Variants in EDDM13 observed in about 807,000 individuals in gnomAD.
The protein encoded by EDDM13 is epididymal protein 13.
Under a neutral mutation model 17.8 loss-of-function variants are expected in EDDM13, and 24 were observed. The observed-to-expected ratio is 1.35, with a 90% confidence interval of 0.98 to 1.90. The LOEUF is 1.90. Ranked by LOEUF, EDDM13 falls within the 40% of genes most tolerant of loss-of-function variation. The pLI is 0.00. For missense variants in EDDM13, 97 were observed against 100.8 expected, an observed-to-expected ratio of 0.96 and a Z score of 0.16; for synonymous variants, 31 against 37.5, an observed-to-expected ratio of 0.83 and a Z score of 0.63.
intron 9 of EDDM13, chr19:56,295,169 T>C (rs867533886): frequency 6.6e-6 from 1 of 152,206 alleles, no homozygotes; most frequent in African/African-American, 2.4e-5. Flanking sequence ...TCATAAGTTA[T>C]GTGAATTATA....
chr19:56,272,867 G>A lies in EDDM13; in HGVS notation c.33G>A (p.Ser11=), dbSNP rs985002656. The change falls in exon 1 of 15, where the codon TCG becomes TCA. Residue 11 remains serine (S), a synonymous_variant. Transcript: ENST00000649256. ...GATCAGAGCCATTTCTGAAAATGTC[G>A]CTGCTGATTCTGCTTTTCCTGGGAT... The part of the protein sequence containing the change: MHRSEPFLKM[S]LLILLFLGLA... 1.2e-4 allele frequency: 116 copies of A among 985,254 alleles called. No homozygotes were observed. The highest frequency in any genetic ancestry group is 5.2e-4 in the Middle Eastern group (1 of 1,938). The allele number at this position is 985,254 out of a possible 1,614,324, so 61.0% of individuals were successfully genotyped here.
At chr19:56,304,052 G>A (rs1298682996) in intron 13 of EDDM13, among the ~76,000 whole-genome samples, 1 of 152,148 alleles carries the variant, frequency 6.6e-6, no homozygotes, top group African/African-American at 2.4e-5. Context: ...GTGGACAGCC[G>A]CCAGCAAGAT....
At chr19:56,273,274 C>G (rs1454053509) in intron 1 of EDDM13, among the ~76,000 whole-genome samples, 1 of 152,200 alleles carries the variant, frequency 6.6e-6, no homozygotes, top group Non-Finnish European at 1.5e-5. Context: ...TGTGCAGTGC[C>G]TGGAAGTCAA....
At chr19:56,284,110 C>T (rs909567450) in intron 4 of EDDM13, 88 bp from the exon 5 acceptor site, 20 of 972,086 alleles carry the variant, frequency 2.1e-5, no homozygotes, top group Admixed American at 6.2e-5. Flanking sequence ...ATTATGGCTT[C>T]GTCTTTGTGA....
At chr19:56,301,890 G>C in intron 12 of EDDM13, 78 bp from the exon 13 acceptor site, 1 of 1,230,960 alleles carries the variant, frequency 8.1e-7, no homozygotes, top group Non-Finnish European at 1.0e-6. Flanking sequence ...GATCAGAATG[G>C]AGAGACAGCA....
intron 2 of EDDM13, among the ~76,000 whole-genome samples, chr19:56,277,686 C>T (rs554447023): frequency 1.3e-5 from 2 of 152,072 alleles, no homozygotes; most frequent in South Asian, 4.1e-4. Context: ...TGAATTATAT[C>T]TCAGTAAAGC....
intron 12 of EDDM13, among the ~76,000 whole-genome samples, chr19:56,299,274 GGC>G (rs896691397): frequency 6.6e-6 from 1 of 151,828 alleles, no homozygotes; most frequent in African/African-American, 2.4e-5. Context: ...TGGGACCACA[GGC>G]ACGAGACACC....
At chr19:56,289,390 G>C (rs999168707) in intron 8 of EDDM13, among the ~76,000 whole-genome samples, 4 of 152,202 alleles carry the variant, frequency 2.6e-5, no homozygotes, top group Admixed American at 6.5e-5. Context: ...GCCCTTTACA[G>C]AGGGGAGGGG....
intron 13 of EDDM13, among the ~76,000 whole-genome samples, chr19:56,302,659 CTG>C (rs1248688658): frequency 8.4e-6 from 1 of 119,508 alleles, no homozygotes; most frequent in Non-Finnish European, 1.8e-5. Flanking sequence ...CCCCCCCTCC[CTG>C]TTCTTTCCTT....
At chr19:56,285,647 A>T (rs768413339) in intron 6 of EDDM13, among the ~76,000 whole-genome samples, 58 of 151,634 alleles carry the variant, frequency 3.8e-4, no homozygotes, top group Non-Finnish European at 6.0e-4. Flanking sequence ...TATTATTATT[A>T]TTTTTGTATT....
At chr19:56,307,477 T>G (rs557702633) in intron 14 of EDDM13, among the ~76,000 whole-genome samples, 40 of 152,340 alleles carry the variant, frequency 2.6e-4, no homozygotes, top group African/African-American at 9.1e-4. Flanking sequence ...GAGGTACTTT[T>G]CCTAAGGTTA....
chr19:56,308,933 T>C (rs1600256064), intron 14 of EDDM13, among the ~76,000 whole-genome samples: 1 of 152,166 alleles, frequency 6.6e-6, no homozygotes, highest in East Asian at 1.9e-4. Context: ...AGGCAAGAGG[T>C]TGGCAAACTT....
At chr19:56,287,155 A>T (rs994731654) in intron 6 of EDDM13, among the ~76,000 whole-genome samples, 1 of 152,148 alleles carries the variant, frequency 6.6e-6, no homozygotes, top group Non-Finnish European at 1.5e-5. Flanking sequence ...TGTCCATCTT[A>T]GGTGGTGAAA....
rs74471530 is a variant in EDDM13 at position 56,292,603 on chromosome 19, G to A, written c.232+1757G>A. On this transcript the variant is annotated intron_variant, in intron 9 of 14. Coordinates refer to ENST00000649256, the MANE Select transcript of EDDM13 (RefSeq NM_001354658.2). ...GCACCCACCTTAACCACTTTAAAGT[G>A]TGCGATTTAGTGGCCCTTGGTACAC... is the stretch of plus-strand genomic sequence containing the variant. Among the ~76,000 whole-genome samples, 1,457 of 152,028 alleles carry A rather than the reference G, an allele frequency of 9.6e-3. 20 individuals are homozygous for A. Among genetic ancestry groups the A allele is most frequent in the African/African-American group, 0.034 (1,392 of 41,456 alleles).
At chr19:56,274,445 C>G (rs1410919589) in intron 1 of EDDM13, 1 of 138,064 alleles carries the variant, frequency 7.2e-6, no homozygotes, top group Non-Finnish European at 1.6e-5. Flanking sequence ...CAGAGCAAGA[C>G]TCTGTTTCAA....
chr19:56,308,608 G>T (rs796492737), intron 14 of EDDM13, among the ~76,000 whole-genome samples: 7 of 152,284 alleles, frequency 4.6e-5, no homozygotes, highest in African/African-American at 1.7e-4. Flanking sequence ...ACAGGCATGA[G>T]CCACCACGCC....
intron 13 of EDDM13, chr19:56,302,842 G>A (rs2040436941): frequency 5.0e-6 from 2 of 398,536 alleles, no homozygotes; most frequent in Non-Finnish European, 8.8e-6. Flanking sequence ...TCTTTCTAAG[G>A]GACGTTCATA....
chr19:56,301,873 G>A, intron 12 of EDDM13, 95 bp from the exon 13 acceptor site: 2 of 1,226,178 alleles, frequency 1.6e-6, no homozygotes, highest in Non-Finnish European at 2.0e-6. Context: ...AGAGATGTGA[G>A]TTTGGAGATC....
intron 1 of EDDM13, among the ~76,000 whole-genome samples, 156 bp downstream of exon 1, chr19:56,273,075 G>A (rs1014406727): frequency 6.6e-6 from 1 of 152,174 alleles, no homozygotes; most frequent in Non-Finnish European, 1.5e-5. Flanking sequence ...ACACAGTGGG[G>A]TGAATGAGTC....
Sources: gnomAD v4.1 joint callset for allele counts (sites outside exome capture counted in the v4.1 genomes callset) on GRCh38, gnomAD v4.1.1 for gene constraint, MANE v1.5 for transcripts, NCBI Gene and HGNC (gene_info 2026-07-23, HGNC 2026-07-21) for gene names.